MYO16: variants seen among roughly 807,000 people sequenced by gnomAD.
MYO16 encodes the protein unconventional myosin-XVI.
MYO16 carries 94 observed loss-of-function variants against 205.3 expected under a neutral mutation model. The ratio of observed to expected loss-of-function variants is 0.46; its 90% confidence interval spans 0.39 to 0.54. The LOEUF (loss-of-function observed/expected upper bound fraction) is 0.54, where lower values mean the gene tolerates loss of function less well. Ranked by LOEUF, MYO16 falls within the 20% of genes least tolerant of loss-of-function variation. The pLI, the probability that MYO16 is intolerant of heterozygous loss-of-function variation, is 0.00. For missense variants in MYO16, 2,315 were observed against 2,387.5 expected, an observed-to-expected ratio of 0.97 and a Z score of 0.63; for synonymous variants, 988 against 954.0, an observed-to-expected ratio of 1.04 and a Z score of -0.66.
At chr13:109,029,084 C>T (rs76420768) in intron 23 of MYO16, among the ~76,000 whole-genome samples, 1 of 149,802 alleles carries the variant, frequency 6.7e-6, no homozygotes, top group Admixed American at 6.7e-5. Flanking sequence ...GAAAGCCAAC[C>T]TCTTTGCCTT....
chr13:108,869,684 TCG>T (rs1878936676), intron 12 of MYO16, among the ~76,000 whole-genome samples: 2 of 131,346 alleles, frequency 1.5e-5, no homozygotes, highest in Admixed American at 9.1e-5. Flanking sequence ...TGAGCCGAGA[TCG>T]TGCCACTGCA....
In MYO16 at chr13:108,898,143, G is replaced by A. The variant is rs1880519625; in HGVS notation, c.1777+10G>A. The stretch of plus-strand genomic sequence containing the variant: ...CAACAGCTAACCGGAGGTAAGTGCA[G>A]TATTTGACAACGTGGATTTCCTGTG... On this transcript the variant is annotated intron_variant, in intron 15 of 34. Coordinates refer to ENST00000457511, the MANE Select transcript of MYO16 (RefSeq NM_001198950.3). 6.3e-7 allele frequency: 1 copy of A among 1,589,916 alleles called. No homozygotes were observed. Among genetic ancestry groups the A allele is most frequent in the South Asian group, 1.1e-5 (1 of 90,546 alleles).
chr13:108,496,320 G>A, the MYO16 span, among the ~76,000 whole-genome samples: 2 of 152,222 alleles, frequency 1.3e-5, no homozygotes, highest in Non-Finnish European at 2.9e-5. Context: ...GGGAAGCGGC[G>A]TGGTCACCTA....
Position 109,140,163 on chromosome 13 carries a change from C to A in MYO16, c.4052-101C>A. On this transcript the variant is annotated intron_variant, in intron 31 of 34. Coordinates refer to ENST00000457511, the MANE Select transcript of MYO16 (RefSeq NM_001198950.3). This position sits in a 1 kb window ranked among gnomAD's most constrained non-coding sequence, Gnocchi z 8.0. ...TGCAGGCCCGGTCCCTTGGGATTCT[C>A]GGGGCACGGGGCCGTGGCTCCCTCC... The A allele has an allele frequency of 1.3e-6, 2 of 1,511,004 alleles. No individual in the cohort carries two copies. The highest frequency in any genetic ancestry group is 1.8e-6 in the Non-Finnish European group (2 of 1,141,416). 93.6% of individuals were successfully genotyped at this position (1,511,004 alleles called of 1,614,324 possible). A position where few individuals can be genotyped will look rare whatever the true frequency, so the allele number is the denominator to read the frequency against.
At position 109,128,376 on chromosome 13, in the gene MYO16, A is replaced by C. The variant is rs139737322; in HGVS notation, c.4051+826A>C. ...AGGGTAGTAGTACAGGATGGAAGAG[A>C]GGTTGAGATTCTAAATGAAACGGCT... is the stretch of plus-strand genomic sequence containing the variant. On this transcript the variant is annotated intron_variant, in intron 31 of 34. Coordinates refer to ENST00000457511, the MANE Select transcript of MYO16 (RefSeq NM_001198950.3). 1.7e-3 allele frequency among the ~76,000 whole-genome samples: 255 copies of C among 152,044 alleles called. 1 individual carries two copies. Among genetic ancestry groups the C allele is most frequent in the African/African-American group, 6.0e-3 (247 of 41,512 alleles).
the MYO16 span, among the ~76,000 whole-genome samples, chr13:108,566,235 C>A: frequency 6.6e-6 from 1 of 152,086 alleles, no homozygotes; most frequent in East Asian, 1.9e-4. Context: ...TAACAGATTT[C>A]TTCATGGTTG....
intron 23 of MYO16, among the ~76,000 whole-genome samples, chr13:109,038,870 C>A (rs1038243557): frequency 2.6e-5 from 4 of 151,944 alleles, no homozygotes; most frequent in Non-Finnish European, 2.9e-5. Flanking sequence ...TATTACTGTG[C>A]TAAGATTCTA....
At chr13:108,955,141 G>A (rs1279083930) in intron 16 of MYO16, among the ~76,000 whole-genome samples, 4 of 152,170 alleles carry the variant, frequency 2.6e-5, no homozygotes, top group Non-Finnish European at 5.9e-5. Context: ...CCCTGAGATG[G>A]CACCAGCCTT....
chr13:108,993,384 G>A lies in MYO16; in HGVS notation c.2442+936G>A, dbSNP rs145704547. 5.9e-5 allele frequency among the ~76,000 whole-genome samples: 9 copies of A among 152,212 alleles called. No individual in the cohort carries two copies. In the East Asian group the frequency reaches 1.3e-3, roughly 23 times the overall value. On this transcript the variant is annotated intron_variant, in intron 21 of 34. Coordinates refer to ENST00000457511, the MANE Select transcript of MYO16 (RefSeq NM_001198950.3). ...ATTAAACATAATTAAACAGGTTCTC[G>A]TGTCAGTTACTCTCATACTGTATAT...
chr13:108,836,105 T>G (rs1876903364), intron 9 of MYO16, among the ~76,000 whole-genome samples: 1 of 152,106 alleles, frequency 6.6e-6, no homozygotes, highest in South Asian at 2.1e-4. Flanking sequence ...AATGGTTTTG[T>G]GTTTTGTGAG....
Position 109,046,048 on chromosome 13 carries a change from C to T in MYO16, c.2797-868C>T, listed in dbSNP as rs568993713. Among the ~76,000 whole-genome samples, 14 of 152,270 alleles carry T rather than the reference C, an allele frequency of 9.2e-5. No individual in the cohort carries two copies. The East Asian group carries it at 2.5e-3, about 27-fold the overall frequency. The stretch of plus-strand genomic sequence containing the variant: ...GGCGGATCCTCGCCCTCCCTCATGG[C>T]GGATCCTCGCCCTCCCTCATGGCTG... On this transcript the variant is annotated intron_variant, in intron 23 of 34. Coordinates refer to ENST00000457511, the MANE Select transcript of MYO16 (RefSeq NM_001198950.3).
the MYO16 span, among the ~76,000 whole-genome samples, chr13:108,525,836 T>C: frequency 2.0e-5 from 3 of 152,236 alleles, no homozygotes; most frequent in Admixed American, 1.3e-4. Context: ...CAAGAATTCA[T>C]TAACTTTTAC....
Position 109,042,084 on chromosome 13 carries a change from G to A in MYO16, c.2797-4832G>A, listed in dbSNP as rs561004199. Among the ~76,000 whole-genome samples the A allele has an allele frequency of 7.2e-5, 11 of 152,052 alleles. No homozygotes were observed. The East Asian group carries it at 1.2e-3, about 16-fold the overall frequency. On this transcript the variant is annotated intron_variant, in intron 23 of 34. Transcript: ENST00000457511. ...TTGCCATGTTGACCAGGCTGATCTC[G>A]AACTCTTGACCTCAAGTGATCCACC...
intron 16 of MYO16, among the ~76,000 whole-genome samples, chr13:108,947,201 G>A (rs1290975188): frequency 4.8e-4 from 73 of 152,180 alleles, no homozygotes; most frequent in Non-Finnish European, 1.5e-5. Flanking sequence ...TTAAGACACA[G>A]GGTTGGGTTG....
chr13:109,120,598 T>C (rs931873875), intron 29 of MYO16, 132 bp downstream of exon 29: 13 of 586,466 alleles, frequency 2.2e-5, no homozygotes, highest in Non-Finnish European at 3.7e-5. Flanking sequence ...CTGGATGCTA[T>C]CTTCAGGCAA....
intron 5 of MYO16, among the ~76,000 whole-genome samples, chr13:108,786,743 G>A (rs529164529): frequency 6.6e-6 from 1 of 152,188 alleles, no homozygotes; most frequent in Admixed American, 6.5e-5. Context: ...ACCACGACAG[G>A]GGATGATGTG....
chr13:108,586,862 A>G, the MYO16 span, among the ~76,000 whole-genome samples: 1 of 152,264 alleles, frequency 6.6e-6, no homozygotes, highest in East Asian at 1.9e-4. Context: ...TGATTGCATT[A>G]TTGTTCCACA....
chr13:109,123,760 C>T (rs1451097608), intron 29 of MYO16, among the ~76,000 whole-genome samples: 3 of 152,174 alleles, frequency 2.0e-5, no homozygotes, highest in African/African-American at 2.4e-5. Flanking sequence ...CATAGTAGAA[C>T]GTTCTGTTCA....
intron 4 of MYO16, among the ~76,000 whole-genome samples, chr13:108,760,713 CAGT>C (rs1885577041): frequency 6.6e-6 from 1 of 152,140 alleles, no homozygotes; most frequent in Admixed American, 6.5e-5. Flanking sequence ...TGGAGGCAGA[CAGT>C]AGATTGGTGG....
Sources: gnomAD v4.1 joint callset for allele counts (sites outside exome capture counted in the v4.1 genomes callset) on GRCh38, gnomAD v4.1.1 for gene constraint, Gnocchi (gnomAD v3.1) non-coding constraint, MANE v1.5 for transcripts, NCBI Gene and HGNC (gene_info 2026-07-23, HGNC 2026-07-21) for gene names.